Variants in DPYSL2 observed in about 807,000 individuals in gnomAD.
DPYSL2 encodes dihydropyrimidinase-related protein 2.
In DPYSL2, 13 loss-of-function variants were observed where a neutral mutation model predicts 69.9. The ratio of observed to expected loss-of-function variants is 0.19; its 90% CI spans 0.12 to 0.30. The LOEUF is 0.30. Ranked by LOEUF, DPYSL2 falls within the 10% of genes least tolerant of loss-of-function variation. The pLI, the probability that DPYSL2 is intolerant of heterozygous loss-of-function variation, is 1.00. For missense variants in DPYSL2, 587 were observed against 918.9 expected, an observed-to-expected ratio of 0.64 and a Z score of 4.67; for synonymous variants, 326 against 359.1, an observed-to-expected ratio of 0.91 and a Z score of 1.04.
At chr8:26,577,692 C>T (rs1334030101) in intron 1 of DPYSL2, 3 of 590,592 alleles carry the variant, frequency 5.1e-6, no homozygotes, top group Non-Finnish European at 6.4e-6. Flanking sequence ...CGGTCCCCAC[C>T]GCCCCGGCCC....
At chr8:26,577,410 GCCCT>G (rs1801375398) in intron 1 of DPYSL2, 1 of 150,604 alleles carries the variant, frequency 6.6e-6, no homozygotes, top group African/African-American at 2.4e-5. Flanking sequence ...GGGCCCGGGA[GCCCT>G]CCCGGGCTGC....
chr8:26,548,093 A>T, intron 1 of DPYSL2: 2 of 226,718 alleles, frequency 8.8e-6, no homozygotes, highest in Non-Finnish European at 1.8e-5. Context: ...TTGAGGATGG[A>T]CATTATTTTG....
intron 3 of DPYSL2, among the ~76,000 whole-genome samples, chr8:26,611,678 T>C (rs1802233382): frequency 6.6e-6 from 1 of 152,216 alleles, no homozygotes; most frequent in African/African-American, 2.4e-5. Flanking sequence ...TGCATGGACC[T>C]GAAGTTTGAA....
intron 1 of DPYSL2, among the ~76,000 whole-genome samples, chr8:26,555,842 G>C (rs867134639): frequency 3.4e-5 from 5 of 148,934 alleles, no homozygotes; most frequent in Non-Finnish European, 5.9e-5. Context: ...AGCCATGATT[G>C]TCAGCCTGGG....
At chr8:26,636,173 G>C (rs912152485) in intron 8 of DPYSL2, among the ~76,000 whole-genome samples, 6 of 148,606 alleles carry the variant, frequency 4.0e-5, no homozygotes, top group African/African-American at 1.2e-4. Flanking sequence ...AAATAAGAAA[G>C]CATTCACCTA....
chr8:26,630,499 C>T (rs1447776467), intron 7 of DPYSL2, among the ~76,000 whole-genome samples: 1 of 152,186 alleles, frequency 6.6e-6, no homozygotes, highest in African/African-American at 2.4e-5. Context: ...GAGCCCTGTT[C>T]AAAGCTGCCT....
In DPYSL2 at chr8:26,560,258, C is replaced by A. The variant is rs1801050513; in HGVS notation, c.355-21711C>A. Among the ~76,000 whole-genome samples the A allele has an allele frequency of 6.6e-6, 1 of 152,178 alleles. No homozygotes were observed. The highest frequency in any genetic ancestry group is 1.5e-5 in the Non-Finnish European group (1 of 68,034). Reference sequence around the variant, plus strand: ...TCACAAAACAGGGTATATTTCCATTCTCCAGGTCAGGCCTTCCATGGATTA... The same window carrying A: ...TCACAAAACAGGGTATATTTCCATTATCCAGGTCAGGCCTTCCATGGATTA... On this transcript the variant is annotated intron_variant, in intron 1 of 13. Transcript: ENST00000521913. The surrounding 1 kb of genome is among the most constrained non-coding windows in gnomAD (Gnocchi z 4.4).
At chr8:26,525,745 G>A (rs553560282) in intron 1 of DPYSL2, among the ~76,000 whole-genome samples, 23 of 152,108 alleles carry the variant, frequency 1.5e-4, no homozygotes, top group African/African-American at 3.6e-4. Flanking sequence ...CTAAATCCAC[G>A]GTGGTTCAAT....
intron 11 of DPYSL2, among the ~76,000 whole-genome samples, chr8:26,651,227 C>T (rs1410738196): frequency 3.9e-5 from 6 of 152,152 alleles, no homozygotes; most frequent in East Asian, 1.9e-4. Context: ...ACATTGTATG[C>T]GGGGCATTGT....
At chr8:26,577,195 T>A in intron 1 of DPYSL2, 1 of 440,838 alleles carries the variant, frequency 2.3e-6, no homozygotes, top group Non-Finnish European at 4.5e-6. Flanking sequence ...GCGGGCCAGA[T>A]CCCGTCTCTG....
rs150930317 is a variant in DPYSL2 at position 26,526,550 on chromosome 8, G to T, written c.354+11871G>T. On this transcript the variant is annotated intron_variant, in intron 1 of 13. Transcript: ENST00000521913. ...GCTTTATTCATTATTTCTCTTCCTT[G>T]TCTGATTACATTGACTATAACTTCT... is the stretch of plus-strand genomic sequence containing the variant. Among the ~76,000 whole-genome samples, 71 of 152,162 alleles carry T rather than the reference G, an allele frequency of 4.7e-4. No homozygotes were observed. The East Asian group carries it at 0.013, about 29-fold the overall frequency.
In DPYSL2 at chr8:26,571,356, C is replaced by T. The variant is rs1268401530; in HGVS notation, c.355-10613C>T. Among the ~76,000 whole-genome samples, 1 of 152,104 alleles carries T rather than the reference C, an allele frequency of 6.6e-6. No individual in the cohort carries two copies. The highest frequency in any genetic ancestry group is 1.5e-5 in the Non-Finnish European group (1 of 68,008). On this transcript the variant is annotated intron_variant, in intron 1 of 13. Coordinates refer to ENST00000521913, the MANE Select transcript of DPYSL2 (RefSeq NM_001197293.3). This position sits in a 1 kb window ranked among gnomAD's most constrained non-coding sequence, Gnocchi z 6.1. ...CAACGGAAACAAGTGATCTCCAAGG[C>T]CCTGCCCTGGCTTGGAGACCAGCAC...
At chr8:26,607,381 G>A (rs1204009974) in intron 3 of DPYSL2, among the ~76,000 whole-genome samples, 1 of 151,876 alleles carries the variant, frequency 6.6e-6, no homozygotes, top group Non-Finnish European at 1.5e-5. Flanking sequence ...TACTTGGGAG[G>A]CTGAGGCAGG....
At position 26,585,901 on chromosome 8, in the gene DPYSL2, C is replaced by T. The variant is rs1288349289; in HGVS notation, c.628+1918C>T. 6.6e-6 allele frequency among the ~76,000 whole-genome samples: 1 copy of T among 152,092 alleles called. No individual in the cohort carries two copies. Among genetic ancestry groups the T allele is most frequent in the Non-Finnish European group, 1.5e-5 (1 of 68,006 alleles). On this transcript the variant is annotated intron_variant, in intron 3 of 13. Coordinates refer to ENST00000521913, the MANE Select transcript of DPYSL2 (RefSeq NM_001197293.3). The surrounding 1 kb of genome is among the most constrained non-coding windows in gnomAD (Gnocchi z 4.0). The stretch of plus-strand genomic sequence containing the variant: ...CTGAGGTGGGTGGATCACTTGAGGT[C>T]AGGAATTTGAGACTAGCCTGGCCAA...
intron 4 of DPYSL2, among the ~76,000 whole-genome samples, chr8:26,625,691 G>T (rs1802597233): frequency 6.6e-6 from 1 of 152,160 alleles, no homozygotes; most frequent in Non-Finnish European, 1.5e-5. Flanking sequence ...AATCAGCATG[G>T]AAGGCAGTCT....
Position 26,652,155 on chromosome 8 carries a change from G to A in DPYSL2, c.1597-102G>A. On this transcript the variant is annotated intron_variant, in intron 11 of 13. Transcript: ENST00000521913. This position sits in a 1 kb window ranked among gnomAD's most constrained non-coding sequence, Gnocchi z 6.3. ...GTTGGGACAGGATCCCTGTCTCTGAGTCTCTCTTTTGTCTCTGTGGGGTTG... is the reference window on the plus strand; with the variant it reads ...GTTGGGACAGGATCCCTGTCTCTGAATCTCTCTTTTGTCTCTGTGGGGTTG... 2 of 1,158,884 alleles carry A rather than the reference G, an allele frequency of 1.7e-6. No homozygotes were observed. Among genetic ancestry groups the A allele is most frequent in the East Asian group, 2.7e-5 (1 of 37,344 alleles). 71.8% of individuals were successfully genotyped at this position (1,158,884 alleles called of 1,614,324 possible). A position where few individuals can be genotyped will look rare whatever the true frequency, so the allele number is the denominator to read the frequency against.
intron 7 of DPYSL2, among the ~76,000 whole-genome samples, 157 bp downstream of exon 7, chr8:26,628,097 A>G (rs911101885): frequency 3.3e-5 from 5 of 152,214 alleles, no homozygotes; most frequent in African/African-American, 1.2e-4. Flanking sequence ...CTGTCTGTCT[A>G]CGCAGGCAAA....
chr8:26,579,502 G>T (rs2585457), intron 1 of DPYSL2, among the ~76,000 whole-genome samples: 5 of 152,032 alleles, frequency 3.3e-5, no homozygotes, highest in Non-Finnish European at 7.4e-5. Context: ...GCCTTTTAAA[G>T]CAGTCAGGAT....
chr8:26,589,593 T>A (rs1444602938), intron 3 of DPYSL2, among the ~76,000 whole-genome samples: 1 of 152,210 alleles, frequency 6.6e-6, no homozygotes, highest in Admixed American at 6.5e-5. Flanking sequence ...TGATGGAAGC[T>A]GTCGCTTGCT....
Sources: gnomAD v4.1 joint callset for allele counts (sites outside exome capture counted in the v4.1 genomes callset) on GRCh38, gnomAD v4.1.1 for gene constraint, Gnocchi (gnomAD v3.1) non-coding constraint, MANE v1.5 for transcripts, NCBI Gene and HGNC (gene_info 2026-07-23, HGNC 2026-07-21) for gene names.